Variants in GRIK2 observed in about 807,000 individuals in gnomAD.
The protein encoded by GRIK2 is glutamate ionotropic receptor kainate type subunit 2, also known as glutamate receptor ionotropic, kainate 2.
A neutral mutation model predicts 100.3 loss-of-function variants in GRIK2; 32 were observed. The ratio of observed to expected loss-of-function variants is 0.32; its 90% CI spans 0.24 to 0.43. The LOEUF is 0.43. Ranked by LOEUF, GRIK2 falls within the 20% of genes least tolerant of loss-of-function variation. The pLI, the probability that GRIK2 is intolerant of heterozygous loss-of-function variation, is 1.00. For synonymous variants in GRIK2, 417 were observed against 389.4 expected, an observed-to-expected ratio of 1.07 and a Z score of -0.83; for missense variants, 843 against 1,114.9, an observed-to-expected ratio of 0.76 and a Z score of 3.47.
intron 14 of GRIK2, among the ~76,000 whole-genome samples, chr6:102,023,544 T>C (rs184549147): frequency 1.3e-5 from 2 of 151,560 alleles, no homozygotes; most frequent in African/African-American, 4.8e-5. Context: ...GGTTTTATTT[T>C]TCTCTGTAAA....
intron 7 of GRIK2, among the ~76,000 whole-genome samples, chr6:101,759,499 T>C (rs1291740059): frequency 2.0e-5 from 3 of 152,138 alleles, no homozygotes; most frequent in Admixed American, 6.5e-5. Flanking sequence ...TTACACCTAG[T>C]GGAGAAAGTA....
intron 7 of GRIK2, among the ~76,000 whole-genome samples, chr6:101,777,786 G>A (rs557215171): frequency 1.4e-4 from 22 of 152,164 alleles, no homozygotes; most frequent in African/African-American, 5.3e-4. Flanking sequence ...GCTAGCATTC[G>A]GATCTCAAAG....
chr6:101,495,874 A>C (rs769837457), intron 2 of GRIK2, among the ~76,000 whole-genome samples: 1 of 151,916 alleles, frequency 6.6e-6, no homozygotes, highest in Non-Finnish European at 1.5e-5. Flanking sequence ...TTCCTAAATC[A>C]TATACTGACT....
chr6:101,605,647 C>T lies in GRIK2; in HGVS notation c.116-16302C>T, dbSNP rs529680680. ...GAGCCAAGATCGTGCCATTGCACTCCGGCCTAGGTGACAAGAGTAAAACTC... is the reference window on the plus strand; with the variant it reads ...GAGCCAAGATCGTGCCATTGCACTCTGGCCTAGGTGACAAGAGTAAAACTC... On this transcript the variant is annotated intron_variant, in intron 2 of 16. Coordinates refer to ENST00000369134, the MANE Select transcript of GRIK2 (RefSeq NM_021956.5). Among the ~76,000 whole-genome samples the T allele has an allele frequency of 4.7e-4, 71 of 152,048 alleles. 1 individual carries two copies. In the South Asian group the frequency reaches 7.3e-3, roughly 16 times the overall value.
At chr6:101,738,174 T>C (rs568725519) in intron 7 of GRIK2, among the ~76,000 whole-genome samples, 10 of 139,366 alleles carry the variant, frequency 7.2e-5, no homozygotes, top group Admixed American at 2.2e-4. Context: ...TAATTGACAA[T>C]TGTCAAATGT....
chr6:101,480,649 T>C (rs1238318027), intron 2 of GRIK2, among the ~76,000 whole-genome samples: 1 of 152,170 alleles, frequency 6.6e-6, no homozygotes, highest in Non-Finnish European at 1.5e-5. Flanking sequence ...AGTATTAAGA[T>C]AGAACTTTTA....
At chr6:101,934,051 CA>C (rs1790465220) in intron 14 of GRIK2, among the ~76,000 whole-genome samples, 1 of 151,508 alleles carries the variant, frequency 6.6e-6, no homozygotes, top group Admixed American at 6.6e-5. Context: ...CTGCAAAGTA[CA>C]TTCTAAATTC....
At chr6:101,636,251 A>G (rs1424473440) in intron 4 of GRIK2, among the ~76,000 whole-genome samples, 2 of 152,166 alleles carry the variant, frequency 1.3e-5, no homozygotes, top group Non-Finnish European at 2.9e-5. Context: ...TAACACAAGA[A>G]CAGAAAACCA....
At chr6:101,636,741 A>T (rs1452132491) in intron 4 of GRIK2, among the ~76,000 whole-genome samples, 1 of 149,552 alleles carries the variant, frequency 6.7e-6, no homozygotes, top group East Asian at 2.1e-4. Context: ...AACCTCAATA[A>T]TATTTGCATT....
intron 2 of GRIK2, among the ~76,000 whole-genome samples, chr6:101,580,770 G>A (rs188991414): frequency 1.2e-3 from 189 of 152,070 alleles, no homozygotes; most frequent in African/African-American, 4.4e-3. Flanking sequence ...GCATGCTCCT[G>A]CCTCTGGGAG....
intron 14 of GRIK2, among the ~76,000 whole-genome samples, chr6:101,988,747 T>C (rs909742353): frequency 2.6e-5 from 4 of 151,850 alleles, no homozygotes; most frequent in Non-Finnish European, 5.9e-5. Context: ...AAAGAGAAAT[T>C]TAATTTACAT....
intron 2 of GRIK2, among the ~76,000 whole-genome samples, chr6:101,502,911 G>A (rs1271559795): frequency 6.6e-6 from 1 of 152,040 alleles, no homozygotes; most frequent in Non-Finnish European, 1.5e-5. Flanking sequence ...AGGACTTCAG[G>A]ACTTTTTCAA....
chr6:101,858,681 G>A lies in GRIK2; in HGVS notation c.1318-606G>A, dbSNP rs572294539. Among the ~76,000 whole-genome samples, 4 of 151,912 alleles carry A rather than the reference G, an allele frequency of 2.6e-5. No individual in the cohort carries two copies. In the East Asian group the frequency reaches 7.7e-4, roughly 29 times the overall value. ...TGGGATTACAGGTGCAAGCCATGGT[G>A]CCTGGCCTTCTTCATCTATATTTTA... On this transcript the variant is annotated intron_variant, in intron 10 of 16. Transcript: ENST00000369134.
chr6:102,045,514 TG>T (rs1198584389), intron 15 of GRIK2, among the ~76,000 whole-genome samples: 1 of 152,040 alleles, frequency 6.6e-6, no homozygotes, highest in Non-Finnish European at 1.5e-5. Context: ...ATCAGGACCA[TG>T]GAAGAATTTA....
rs75325295 is a variant in GRIK2 at position 101,484,442 on chromosome 6, A to G, written c.115+85050A>G. 2.2e-3 allele frequency among the ~76,000 whole-genome samples: 341 copies of G among 152,230 alleles called. 1 individual carries two copies. The highest frequency in any genetic ancestry group is 7.7e-3 in the African/African-American group (320 of 41,546). On this transcript the variant is annotated intron_variant, in intron 2 of 16. Coordinates refer to ENST00000369134, the MANE Select transcript of GRIK2 (RefSeq NM_021956.5). ...CTGAAAAGATTTCCTTGGGGATGCT[A>G]TCAGAGTTTGTAAAAATGATTTTTA...
intron 6 of GRIK2, 74 bp from the exon 7 acceptor site, chr6:101,686,105 AG>A: frequency 7.9e-7 from 1 of 1,264,142 alleles, no homozygotes; most frequent in Non-Finnish European, 1.1e-6. Context: ...AAACAAAAAA[AG>A]TGACTATTTC....
rs532032938 is a variant in GRIK2 at position 101,689,904 on chromosome 6, C to T, written c.951+3551C>T. 1.4e-4 allele frequency among the ~76,000 whole-genome samples: 21 copies of T among 152,184 alleles called. No homozygotes were observed. The East Asian group carries it at 3.9e-3, about 28-fold the overall frequency. ...AGGTGTGCAAATACCTTTCAATGAG[C>T]GTTACTACTGTTCTTTATTGCAAAA... On this transcript the variant is annotated intron_variant, in intron 7 of 16. Transcript: ENST00000369134.
chr6:101,606,215 T>C (rs2207956), intron 2 of GRIK2, among the ~76,000 whole-genome samples: 36,696 of 151,922 alleles, frequency 0.24, 4,902 homozygotes, highest in African/African-American at 0.35. Context: ...GGTGCTGTAA[T>C]ATTACTTTCT....
rs537787868 is a variant in GRIK2 at position 101,513,355 on chromosome 6, C to T, written c.116-108594C>T. Among the ~76,000 whole-genome samples the T allele has an allele frequency of 2.7e-3, 413 of 152,180 alleles. 3 individuals carry two copies. The highest frequency in any genetic ancestry group is 0.014 in the Middle Eastern group (4 of 294). On this transcript the variant is annotated intron_variant, in intron 2 of 16. Coordinates refer to ENST00000369134, the MANE Select transcript of GRIK2 (RefSeq NM_021956.5). ...AATAAAGATTGTGCAGCACAAAGTT[C>T]TTTTGAAGTCTTATAGTGGCTGTCC... is the stretch of plus-strand genomic sequence containing the variant.
Sources: allele counts gnomAD v4.1 joint callset (sites outside exome capture counted in the v4.1 genomes callset), GRCh38; gene constraint gnomAD v4.1.1; transcripts MANE v1.5; gene names NCBI Gene and HGNC (gene_info 2026-07-23, HGNC 2026-07-21).